AKAP13: variants seen among roughly 807,000 people sequenced by gnomAD.
AKAP13 encodes the protein A-kinase anchoring protein 13, also known as A-kinase anchor protein 13.
In AKAP13, 80 loss-of-function variants were observed where a neutral mutation model predicts 264.5. The ratio of observed to expected loss-of-function variants is 0.30; its 90% confidence interval spans 0.25 to 0.36. AKAP13 has a LOEUF of 0.36. AKAP13 is among the 10% of genes least tolerant of loss of function. The pLI is 1.00. For synonymous variants in AKAP13, 1,380 were observed against 1,250.2 expected (o/e 1.10, Z -2.19); for missense variants, 3,712 against 3,435.2 (o/e 1.08, Z -2.01).
At chr15:85,427,638 G>A (rs1596134520) in intron 1 of AKAP13, among the ~76,000 whole-genome samples, 1 of 152,166 alleles carries the variant, frequency 6.6e-6, no homozygotes, top group East Asian at 1.9e-4. Context: ...TCATTTTATT[G>A]ATGAGGAATT....
intron 5 of AKAP13, among the ~76,000 whole-genome samples, chr15:85,548,319 C>G (rs1288252590): frequency 6.6e-6 from 1 of 152,116 alleles, no homozygotes; most frequent in African/African-American, 2.4e-5. Context: ...ATAACCCAGC[C>G]TTTAGTGTAT....
chr15:85,628,343 G>C (rs981892630), intron 8 of AKAP13, among the ~76,000 whole-genome samples: 1 of 151,748 alleles, frequency 6.6e-6, no homozygotes, highest in African/African-American at 2.4e-5. Flanking sequence ...CTGCTGGCTA[G>C]TTGTGTGGAT....
intron 14 of AKAP13, among the ~76,000 whole-genome samples, chr15:85,675,088 G>T (rs2084151009): frequency 6.6e-6 from 1 of 151,988 alleles, no homozygotes; most frequent in African/African-American, 2.4e-5. Flanking sequence ...TCATATATAT[G>T]TTGGAAATTT....
At chr15:85,619,234 C>G (rs764615952) in intron 8 of AKAP13, 10 of 335,430 alleles carry the variant, frequency 3.0e-5, no homozygotes, top group Non-Finnish European at 4.2e-5. Context: ...GAATCATGTT[C>G]CCACAACTGC....
At chr15:85,552,560 T>G (rs901080914) in intron 5 of AKAP13, among the ~76,000 whole-genome samples, 1 of 152,128 alleles carries the variant, frequency 6.6e-6, no homozygotes, top group African/African-American at 2.4e-5. Context: ...GTACCTGATA[T>G]TTTTCCTAAC....
chr15:85,717,408 A>G lies in AKAP13; in HGVS notation c.5848+6A>G, dbSNP rs374160269. ...AGAATCACTTACTGATGAGGGTAAG[A>G]GGAAGTTATGGCCTTTATTTTATGC... On this transcript the variant is annotated splice_donor_region_variant and intron_variant, in intron 21 of 36. Coordinates refer to ENST00000394518, the MANE Select transcript of AKAP13 (RefSeq NM_007200.5). 2.7e-4 allele frequency: 439 copies of G among 1,596,414 alleles called. No individual in the cohort carries two copies. The highest frequency in any genetic ancestry group is 3.7e-4 in the Non-Finnish European group (427 of 1,165,094).
At chr15:85,436,956 A>C (rs2073332251) in intron 1 of AKAP13, among the ~76,000 whole-genome samples, 1 of 151,618 alleles carries the variant, frequency 6.6e-6, no homozygotes, top group Non-Finnish European at 1.5e-5. Flanking sequence ...AGAAGGCAAG[A>C]AATAACTAAA....
chr15:85,585,873 T>C, intron 8 of AKAP13, 50 bp downstream of exon 8: 3 of 1,592,578 alleles, frequency 1.9e-6, no homozygotes, highest in Non-Finnish European at 2.6e-6. Flanking sequence ...TTTATCCTGT[T>C]CTGCTGTGTC....
chr15:85,630,854 T>G (rs1036638764), intron 8 of AKAP13, among the ~76,000 whole-genome samples: 1 of 152,224 alleles, frequency 6.6e-6, no homozygotes, highest in Non-Finnish European at 1.5e-5. Flanking sequence ...GAAAACAGTC[T>G]GACATCTCCT....
At position 85,562,691 on chromosome 15, in the gene AKAP13, C is replaced by CTTTTTTTTTTTTTTTTTTTTTTT. The variant is rs10598092; in HGVS notation, c.663-12419_663-12418insTTTTTTTTTTTTTTTTTTTTTTT. ...CCTTTTCTTTCTTTTCTTTTCTTTT[C>CTTTTTTTTTTTTTTTTTTTTTTT]TTTTTTTTTTTTTTTTTTTTTGAGA... On this transcript the variant is annotated intron_variant, in intron 5 of 36. Coordinates refer to ENST00000394518, the MANE Select transcript of AKAP13 (RefSeq NM_007200.5). 6.0e-5 allele frequency among the ~76,000 whole-genome samples: 6 copies of CTTTTTTTTTTTTTTTTTTTTTTT among 100,520 alleles called. 1 individual carries two copies. Among genetic ancestry groups the CTTTTTTTTTTTTTTTTTTTTTTT allele is most frequent in the Non-Finnish European group, 9.3e-5 (5 of 53,756 alleles). The allele number at this position is 100,520 out of a possible 152,430, so 65.9% of individuals were successfully genotyped here.
At chr15:85,537,924 A>T (rs556130126) in intron 4 of AKAP13, among the ~76,000 whole-genome samples, 1 of 152,142 alleles carries the variant, frequency 6.6e-6, no homozygotes, top group South Asian at 2.1e-4. Context: ...AAATCTTCCA[A>T]ATGTTCTCTC....
chr15:85,418,093 T>G (rs1376332045), intron 1 of AKAP13, among the ~76,000 whole-genome samples: 2 of 150,202 alleles, frequency 1.3e-5, no homozygotes, highest in Non-Finnish European at 3.0e-5. Flanking sequence ...ATTATTATTC[T>G]GAGATAGGGT....
intron 1 of AKAP13, among the ~76,000 whole-genome samples, chr15:85,452,111 C>A (rs1429144025): frequency 6.6e-6 from 1 of 151,712 alleles, no homozygotes; most frequent in Non-Finnish European, 1.5e-5. Context: ...AACAAGTCTT[C>A]AAGTTCTGAA....
rs79322224 is a variant in AKAP13 at position 85,582,186 on chromosome 15, A to G, written c.4039+79A>G. The G allele has an allele frequency of 1.2e-3, 1,702 of 1,448,914 alleles. 7 individuals carry two copies. In the African/African-American group the frequency reaches 0.022, roughly 18 times the overall value. The allele number at this position is 1,448,914 out of a possible 1,614,324, so 89.8% of individuals were successfully genotyped here. ...GTCACTGTGGTGTCCTGGTAAAAAT[A>G]TAGGCATCTTTGTTGTTTTGAGGCC... On this transcript the variant is annotated intron_variant, in intron 7 of 36. Coordinates refer to ENST00000394518, the MANE Select transcript of AKAP13 (RefSeq NM_007200.5).
At chr15:85,719,022 G>C (rs2151720894) in intron 22 of AKAP13, 54 bp from the exon 23 acceptor site, 3 of 1,597,146 alleles carry the variant, frequency 1.9e-6, no homozygotes, top group Non-Finnish European at 2.6e-6. Context: ...GATCTTTGAG[G>C]GCGAATGCTT....
At chr15:85,509,811 G>A (rs1416240814) in intron 2 of AKAP13, among the ~76,000 whole-genome samples, 18 of 152,164 alleles carry the variant, frequency 1.2e-4, no homozygotes, top group Admixed American at 9.2e-4. Flanking sequence ...TTTTATAAGC[G>A]TCATTATATC....
At chr15:85,416,199 TTTAG>T (rs1334830194) in intron 1 of AKAP13, among the ~76,000 whole-genome samples, 1 of 152,230 alleles carries the variant, frequency 6.6e-6, no homozygotes, top group Non-Finnish European at 1.5e-5. Flanking sequence ...ACACATAATA[TTTAG>T]TTAAATACCT....
intron 1 of AKAP13, among the ~76,000 whole-genome samples, chr15:85,418,019 T>C (rs540601188): frequency 4.2e-4 from 64 of 150,812 alleles, no homozygotes; most frequent in African/African-American, 1.5e-3. Context: ...TTTTACATTT[T>C]TACATTCTTT....
At chr15:85,668,389 G>T (rs1256596251) in intron 13 of AKAP13, among the ~76,000 whole-genome samples, 1 of 152,216 alleles carries the variant, frequency 6.6e-6, no homozygotes, top group Non-Finnish European at 1.5e-5. Flanking sequence ...ATCACCAGAA[G>T]TGTGCTAGTG....
Sources: allele counts gnomAD v4.1 joint callset (sites outside exome capture counted in the v4.1 genomes callset), GRCh38; gene constraint gnomAD v4.1.1; transcripts MANE v1.5; gene names NCBI Gene and HGNC (gene_info 2026-07-23, HGNC 2026-07-21).